The following POLA1 variants were observed in gnomAD, a reference collection of about 807,000 sequenced individuals.
The protein encoded by POLA1 is DNA polymerase alpha 1, catalytic subunit.
POLA1 carries 15 observed loss-of-function variants against 124.0 expected under a neutral mutation model. That is an observed-to-expected ratio of 0.12 (90% confidence interval 0.08 to 0.19). The LOEUF (loss-of-function observed/expected upper bound fraction) is 0.19. Ranked by LOEUF, POLA1 falls within the 10% of genes least tolerant of loss-of-function variation. The probability of loss-of-function intolerance (pLI) is 1.00; values close to 1 mark genes in which losing one functional copy is unlikely to be tolerated. For synonymous variants in POLA1, 408 were observed against 389.4 expected (o/e 1.05, Z -0.56); for missense variants, 886 against 1,103.4 (o/e 0.80, Z 2.79).
chrX:24,712,086 T>G (rs770458998), intron 4 of POLA1, among the ~76,000 whole-genome samples: 4 of 111,979 alleles, frequency 3.6e-5, no homozygotes, highest in South Asian at 3.7e-4. Flanking sequence ...TTGCATTTTT[T>G]TTTGTTTGTT....
At chrX:24,801,412 G>T (rs1025862479) in intron 26 of POLA1, among the ~76,000 whole-genome samples, 53 of 111,640 alleles carry the variant, frequency 4.7e-4, no homozygotes, top group Non-Finnish European at 9.4e-5. Context: ...AATATTTATT[G>T]AATTATTACT....
intron 26 of POLA1, among the ~76,000 whole-genome samples, chrX:24,790,563 G>T (rs1402075084): frequency 9.0e-6 from 1 of 110,704 alleles, no homozygotes; most frequent in Non-Finnish European, 1.9e-5. Flanking sequence ...CTCACATCCT[G>T]CTCCCTCCTG....
At chrX:24,852,950 A>G (rs896049250) in intron 34 of POLA1, among the ~76,000 whole-genome samples, 5 of 112,174 alleles carry the variant, frequency 4.5e-5, no homozygotes, top group African/African-American at 1.6e-4. Context: ...CTTGGCATCA[A>G]GTGGCAAGAA....
At chrX:24,708,992 G>A (rs1198829923) in intron 4 of POLA1, among the ~76,000 whole-genome samples, 13 of 92,324 alleles carry the variant, frequency 1.4e-4, no homozygotes, top group African/African-American at 4.1e-4. Flanking sequence ...CCTCCCGGAC[G>A]GGGCGGCTGG....
chrX:24,785,896 A>C (rs749282136), intron 26 of POLA1, among the ~76,000 whole-genome samples: 5 of 111,147 alleles, frequency 4.5e-5, no homozygotes, highest in African/African-American at 9.8e-5. Flanking sequence ...CCACTCTTCT[A>C]CTCTCTGCTT....
intron 34 of POLA1, among the ~76,000 whole-genome samples, chrX:24,873,140 A>G (rs1021906678): frequency 9.0e-6 from 1 of 111,658 alleles, no homozygotes; most frequent in African/African-American, 3.3e-5. Context: ...CCATCACAGT[A>G]TCCTACAGAG....
At chrX:24,891,224 G>A (rs2047139721) in intron 35 of POLA1, among the ~76,000 whole-genome samples, 1 of 111,283 alleles carries the variant, frequency 9.0e-6, no homozygotes, top group Non-Finnish European at 1.9e-5. Context: ...AAACTGCAGC[G>A]TTTTAGACAT....
chrX:24,717,004 G>T, intron 8 of POLA1, 33 bp downstream of exon 8: 1 of 969,533 alleles, frequency 1.0e-6, no homozygotes, highest in Non-Finnish European at 1.5e-6. Flanking sequence ...TTGCAAGAGT[G>T]TTGAGTGGTT....
intron 35 of POLA1, among the ~76,000 whole-genome samples, chrX:24,909,639 C>T (rs760687167): frequency 0.018 from 2,016 of 111,134 alleles, 49 homozygotes; most frequent in African/African-American, 0.063. Flanking sequence ...GTTACTGTAG[C>T]CTTGTAGTAT....
chrX:24,835,117 G>C (rs761498956), intron 32 of POLA1, among the ~76,000 whole-genome samples: 2 of 108,327 alleles, frequency 1.8e-5, no homozygotes, highest in African/African-American at 6.7e-5. Context: ...GTGCGATCTC[G>C]GATCACGACA....
At chrX:24,948,159 T>G (rs1251972748) in intron 36 of POLA1, among the ~76,000 whole-genome samples, 2 of 112,107 alleles carry the variant, frequency 1.8e-5, no homozygotes, top group East Asian at 5.6e-4. Flanking sequence ...GGTTTAGTTT[T>G]ATGCCATGTA....
In POLA1 at chrX:24,882,684, G is replaced by GGTGTGTGTGT. The variant is rs57530564; in HGVS notation, c.4048-5287_4048-5278dup. On this transcript the variant is annotated intron_variant, in intron 34 of 36. Transcript: ENST00000379068. ...TATGGCTGCATACTATATATTCCAT[G>GGTGTGTGTGT]GTGTGTGTGTGTGTGTGTGTGTGTG... is the stretch of plus-strand genomic sequence containing the variant. Among the ~76,000 whole-genome samples, 84 of 87,612 alleles carry GGTGTGTGTGT rather than the reference G, an allele frequency of 9.6e-4. 1 individual carries two copies. Among genetic ancestry groups the GGTGTGTGTGT allele is most frequent in the East Asian group, 2.7e-3 (7 of 2,637 alleles). 76.1% of individuals were successfully genotyped at this position (87,612 alleles called of 115,157 possible). A position where few individuals can be genotyped will look rare whatever the true frequency, so the allele number is the denominator to read the frequency against.
intron 36 of POLA1, among the ~76,000 whole-genome samples, chrX:24,993,226 G>A (rs1043017560): frequency 2.7e-5 from 3 of 112,428 alleles, no homozygotes; most frequent in South Asian, 7.4e-4. Context: ...TTTCAGTGAC[G>A]CACTTGTGTG....
chrX:24,764,022 A>G (rs1003368998), intron 26 of POLA1, among the ~76,000 whole-genome samples: 1 of 111,511 alleles, frequency 9.0e-6, no homozygotes, highest in Admixed American at 9.5e-5. Flanking sequence ...TGAAGAGGCA[A>G]ACACAGCTGT....
At chrX:24,865,814 C>A (rs1352819452) in intron 34 of POLA1, among the ~76,000 whole-genome samples, 1 of 110,818 alleles carries the variant, frequency 9.0e-6, no homozygotes, top group Non-Finnish European at 1.9e-5. Flanking sequence ...TTTTTGGGGG[C>A]TTTTTACATT....
chrX:24,930,667 G>T, intron 36 of POLA1, 118 bp downstream of exon 36: 1 of 513,414 alleles, frequency 1.9e-6, no homozygotes, highest in Non-Finnish European at 3.4e-6. Context: ...GAAGCAGGCC[G>T]TGGGGGCCTA....
chrX:24,994,358 A>G (rs1455573563), intron 36 of POLA1, among the ~76,000 whole-genome samples: 1 of 112,550 alleles, frequency 8.9e-6, no homozygotes, highest in African/African-American at 3.2e-5. Flanking sequence ...CTGGAGTCTG[A>G]GTTTTCGTTT....
At chrX:24,895,846 T>A (rs1301824958) in intron 35 of POLA1, among the ~76,000 whole-genome samples, 1 of 112,851 alleles carries the variant, frequency 8.9e-6, no homozygotes, top group Non-Finnish European at 1.9e-5. Flanking sequence ...TTCTTCTAGA[T>A]GGACATTGCT....
chrX:24,966,242 C>T (rs948027242), intron 36 of POLA1, among the ~76,000 whole-genome samples: 3 of 111,717 alleles, frequency 2.7e-5, no homozygotes, highest in African/African-American at 9.8e-5. Flanking sequence ...AGTAATAAAA[C>T]ATGTTTTTTT....
Sources: allele counts gnomAD v4.1 joint callset (sites outside exome capture counted in the v4.1 genomes callset), GRCh38; gene constraint gnomAD v4.1.1; transcripts MANE v1.5; gene names NCBI Gene and HGNC (gene_info 2026-07-23, HGNC 2026-07-21).